The following SSBP1 variants were observed in gnomAD, a reference collection of about 807,000 sequenced individuals.
SSBP1 encodes single-stranded DNA-binding protein, mitochondrial.
A neutral mutation model predicts 27.0 loss-of-function variants in SSBP1; 20 were observed. That is an observed-to-expected ratio of 0.74 (90% CI 0.52 to 1.08). The LOEUF (loss-of-function observed/expected upper bound fraction) is 1.08. Among genes scored for constraint, SSBP1 ranks in the 50% least tolerant of loss-of-function variants. The pLI, the probability that SSBP1 is intolerant of heterozygous loss-of-function variation, is 0.00. For missense variants in SSBP1, 137 were observed against 182.4 expected (o/e 0.75, Z 1.44); for synonymous variants, 59 against 59.3 (o/e 1.00, Z 0.02).
intron 3 of SSBP1, 78 bp from the exon 4 acceptor site, chr7:141,743,483 A>C (rs1458644725): frequency 3.9e-6 from 6 of 1,538,850 alleles, no homozygotes; most frequent in Non-Finnish European, 5.3e-6. Flanking sequence ...GAGCTTCAAC[A>C]TACAAATTTT....
chr7:141,746,093 T>G (rs1399456791), intron 6 of SSBP1: 2 of 468,486 alleles, frequency 4.3e-6, no homozygotes, highest in East Asian at 3.0e-4. Flanking sequence ...CAATCTCGGC[T>G]CATTGCAACC....
At chr7:141,742,982 G>A (rs1237877329) in intron 3 of SSBP1, among the ~76,000 whole-genome samples, 1 of 152,214 alleles carries the variant, frequency 6.6e-6, no homozygotes, top group African/African-American at 2.4e-5. Flanking sequence ...AGCCTTCCAA[G>A]TAGCTGGGAC....
chr7:141,739,193 A>G lies in SSBP1; in HGVS notation c.24+3A>G, dbSNP rs765886103. The G allele has an allele frequency of 1.2e-6, 2 of 1,600,706 alleles. No homozygotes were observed. The highest frequency in any genetic ancestry group is 3.4e-5 in the Admixed American group (2 of 58,174). ...TGTTTCGAAGACCTGTATTACAGGT[A>G]GTCACTTGTCTGTATTAATACTGAG... On this transcript the variant is annotated splice_donor_region_variant and intron_variant, in intron 2 of 6. Coordinates refer to ENST00000265304, the MANE Select transcript of SSBP1 (RefSeq NM_003143.3).
Position 141,750,366 on chromosome 7 carries a change from C to A in SSBP1, c.*12C>A. On this transcript the variant is annotated 3_prime_UTR_variant, in exon 7 of 7. Transcript: ENST00000265304. Reference sequence around the variant, plus strand: ...AAGAGAAGGAGTAGAAAGGATGATTCTTCTTTGGCCATCATTTGGTACAGT... The same window carrying A: ...AAGAGAAGGAGTAGAAAGGATGATTATTCTTTGGCCATCATTTGGTACAGT... The A allele has an allele frequency of 6.9e-6, 11 of 1,591,812 alleles. No homozygotes were observed. The highest frequency in any genetic ancestry group is 1.4e-5 in the African/African-American group (1 of 73,122).
In SSBP1 at chr7:141,749,157, C is replaced by T. The variant is rs142643974; in HGVS notation, c.404-1154C>T. On this transcript the variant is annotated intron_variant, in intron 6 of 6. Transcript: ENST00000265304. The stretch of plus-strand genomic sequence containing the variant: ...ATACAAGTGAAACAATACAGTGTAA[C>T]AGCTGTTAACATAGCATTTACCTTG... 3.8e-4 allele frequency among the ~76,000 whole-genome samples: 58 copies of T among 152,204 alleles called. 1 individual carries two copies. The East Asian group carries it at 8.7e-3, about 23-fold the overall frequency.
intron 6 of SSBP1, among the ~76,000 whole-genome samples, chr7:141,748,857 A>G (rs548568857): frequency 2.3e-3 from 343 of 152,202 alleles, no homozygotes; most frequent in Non-Finnish European, 3.4e-3. Flanking sequence ...AGTGGATGGC[A>G]CTCTTGGCTT....
intron 2 of SSBP1, chr7:141,740,453 G>A (rs1169837444): frequency 6.6e-6 from 1 of 152,226 alleles, no homozygotes; most frequent in Non-Finnish European, 1.5e-5. Context: ...AGTAGCATTG[G>A]TGTCAAGGGC....
chr7:141,745,346 C>T (rs1457776995), intron 5 of SSBP1, 150 bp from the exon 6 acceptor site: 1 of 541,612 alleles, frequency 1.8e-6, no homozygotes, highest in African/African-American at 1.9e-5. Context: ...TTCAGTACTC[C>T]TAATCCTGAA....
At chr7:141,745,834 T>G in intron 6 of SSBP1, 1 of 1,251,176 alleles carries the variant, frequency 8.0e-7, no homozygotes, top group Non-Finnish European at 1.0e-6. Context: ...TAAAACTGAA[T>G]TATCCATCCC....
intron 5 of SSBP1, among the ~76,000 whole-genome samples, chr7:141,744,317 G>A (rs1799683705): frequency 6.6e-6 from 1 of 152,234 alleles, no homozygotes; most frequent in Admixed American, 6.5e-5. Context: ...CATCTGCTTT[G>A]AGGAATTCCT....
intron 2 of SSBP1, chr7:141,741,693 A>T: frequency 1.2e-6 from 1 of 834,672 alleles, no homozygotes; most frequent in Non-Finnish European, 1.4e-6. Context: ...AAAAAAAATT[A>T]GAGGATGTAT....
At chr7:141,739,245 A>C (rs894069116) in intron 2 of SSBP1, 55 bp downstream of exon 2, 6 of 1,457,854 alleles carry the variant, frequency 4.1e-6, no homozygotes, top group Middle Eastern at 1.8e-4. Flanking sequence ...CACAGTGATC[A>C]GAAGACTTCT....
chr7:141,740,727 T>C (rs1251876082), intron 2 of SSBP1: 1 of 152,294 alleles, frequency 6.6e-6, no homozygotes, highest in East Asian at 1.9e-4. Flanking sequence ...AGAACCAAAT[T>C]TATTAGACCT....
At chr7:141,738,923 G>C (rs531589219) in intron 1 of SSBP1, 1 of 411,930 alleles carries the variant, frequency 2.4e-6, no homozygotes, top group African/African-American at 2.0e-5. Context: ...GAAGTTATTT[G>C]GGACCAAAAA....
At chr7:141,745,842 C>T in intron 6 of SSBP1, 1 of 1,185,182 alleles carries the variant, frequency 8.4e-7, no homozygotes, top group South Asian at 3.1e-5. Flanking sequence ...AATTATCCAT[C>T]CCAGTACTTA....
intron 2 of SSBP1, chr7:141,740,691 A>ACAGT (rs1399975596): frequency 6.6e-6 from 1 of 152,214 alleles, no homozygotes; most frequent in Non-Finnish European, 1.5e-5. Flanking sequence ...TTTGACTTGG[A>ACAGT]CAGTCGAGTC....
In SSBP1 at chr7:141,742,168, G is replaced by T; in HGVS notation, c.25-1G>T. 6.3e-7 allele frequency: 1 copy of T among 1,597,774 alleles called. No homozygotes were observed. Among genetic ancestry groups the T allele is most frequent in the Non-Finnish European group, 8.6e-7 (1 of 1,167,090 alleles). ...CATGTTATTCATTTGTTCTTCTTTA[G>T]GTACTTCGTCAGTTTGTAAGACATG... On this transcript the variant is annotated splice_acceptor_variant, in intron 2 of 6. Transcript: ENST00000265304. LOFTEE classifies it high-confidence loss of function.
chr7:141,739,154 G>T lies in SSBP1; in HGVS notation c.-13G>T. 6.3e-7 allele frequency: 1 copy of T among 1,593,304 alleles called. No homozygotes were observed. The highest frequency in any genetic ancestry group is 2.2e-5 in the East Asian group (1 of 44,448). ...GCCTAAAGATTAGACTGTAAGAAAAGAAAATAGAAGCCATGTTTCGAAGAC... is the reference window on the plus strand; with the variant it reads ...GCCTAAAGATTAGACTGTAAGAAAATAAAATAGAAGCCATGTTTCGAAGAC... On this transcript the variant is annotated 5_prime_UTR_variant, in exon 2 of 7. Transcript: ENST00000265304.
chr7:141,744,028 T>G (rs773349100), intron 5 of SSBP1, 39 bp downstream of exon 5: 3 of 1,568,456 alleles, frequency 1.9e-6, no homozygotes, highest in East Asian at 2.2e-5. Flanking sequence ...ATTGAATGAT[T>G]TAAAGAACCG....
Sources: gnomAD v4.1 joint callset for allele counts (sites outside exome capture counted in the v4.1 genomes callset) on GRCh38, gnomAD v4.1.1 for gene constraint, MANE v1.5 for transcripts, NCBI Gene and HGNC (gene_info 2026-07-23, HGNC 2026-07-21) for gene names.